Variants in MYNN observed in about 807,000 individuals in gnomAD.
The protein encoded by MYNN is myoneurin.
MYNN carries 22 observed loss-of-function variants against 57.2 expected under a neutral mutation model. That is an observed-to-expected ratio of 0.38 (90% CI 0.27 to 0.55). MYNN has a LOEUF of 0.55. MYNN is among the 20% of genes least tolerant of loss of function. The probability of loss-of-function intolerance (pLI) is 0.71; values close to 1 mark genes in which losing one functional copy is unlikely to be tolerated. For synonymous variants in MYNN, 241 were observed against 257.1 expected (o/e 0.94, Z 0.60); for missense variants, 566 against 723.1 (o/e 0.78, Z 2.49).
In MYNN at chr3:169,783,567, G is replaced by A. The variant is rs1302493708; in HGVS notation, c.1483+7G>A. Reference sequence around the variant, plus strand: ...CACTTTCGGTCCCATACAGGTCTGTGTTTAGGGAGAACGTATTATTTTTTG... The same window carrying A: ...CACTTTCGGTCCCATACAGGTCTGTATTTAGGGAGAACGTATTATTTTTTG... On this transcript the variant is annotated splice_region_variant and intron_variant, in intron 6 of 7. Coordinates refer to ENST00000349841, the MANE Select transcript of MYNN (RefSeq NM_018657.5). 2 of 1,583,880 alleles carry A rather than the reference G, an allele frequency of 1.3e-6. No individual in the cohort carries two copies. The highest frequency in any genetic ancestry group is 4.5e-5 in the East Asian group (2 of 44,586).
intron 5 of MYNN, 56 bp from the exon 6 acceptor site, chr3:169,783,421 G>A: frequency 3.2e-6 from 3 of 949,076 alleles, no homozygotes; most frequent in East Asian, 2.4e-5. Context: ...ATTTGTAATT[G>A]ATAAATATTA....
intron 2 of MYNN, 84 bp downstream of exon 2, chr3:169,774,645 T>C (rs1454693941): frequency 2.4e-6 from 3 of 1,273,512 alleles, no homozygotes; most frequent in Non-Finnish European, 3.3e-6. Context: ...TTCCATTCAT[T>C]CTCTGAACTC....
intron 2 of MYNN, among the ~76,000 whole-genome samples, chr3:169,774,928 T>G (rs368939302): frequency 5.3e-5 from 8 of 152,206 alleles, no homozygotes; most frequent in Middle Eastern, 3.4e-3. Context: ...AACCTCTGCC[T>G]CCCGGGTTCA....
chr3:169,786,635 G>T lies in MYNN; in HGVS notation c.1790G>T (p.Gly597Val). 1 of 1,613,172 alleles carries T rather than the reference G, an allele frequency of 6.2e-7. No individual in the cohort carries two copies. The highest frequency in any genetic ancestry group is 8.5e-7 in the Non-Finnish European group (1 of 1,179,436). ...ACATTGTTGAGGTCAACTGTGAATGGGTATTCAGAACCACAGTTGATTTTT... is the reference window on the plus strand; with the variant it reads ...ACATTGTTGAGGTCAACTGTGAATGTGTATTCAGAACCACAGTTGATTTTT... ...SDTLLRSTVN[G>V]YSEPQLIFLQ... is the part of the protein sequence containing the mutation. Residue 597 changes from glycine to valine, a missense_variant, in exon 8 of 8, where the codon GGG (glycine) becomes GTG (valine). Gly to Val is a moderately radical substitution (Grantham distance 109). Around this residue, in one of 4 missense-constraint regions of MYNN, gnomAD observed 156 missense variants for 163.9 expected, o/e 0.95. Coordinates refer to ENST00000349841, the MANE Select transcript of MYNN (RefSeq NM_018657.5).
rs1388738731 is a variant in MYNN, at chr3:169,780,750, G to A, written c.1220+1G>A. 2 of 1,592,666 alleles carry A rather than the reference G, an allele frequency of 1.3e-6. No individual in the cohort carries two copies. Among genetic ancestry groups the A allele is most frequent in the Non-Finnish European group, 1.7e-6 (2 of 1,173,086 alleles). The stretch of plus-strand genomic sequence containing the variant: ...CTAGCAATCTCAAGATTCATGCAAG[G>A]TAAAAAACCAAATGAGTTGTTTGAT... On this transcript the variant is annotated splice_donor_variant, in intron 4 of 7. Transcript: ENST00000349841. LOFTEE classifies it high-confidence loss of function.
At chr3:169,781,012 C>T (rs924037956) in intron 4 of MYNN, among the ~76,000 whole-genome samples, 1 of 152,076 alleles carries the variant, frequency 6.6e-6, no homozygotes, top group Non-Finnish European at 1.5e-5. Context: ...ATCATTCTGA[C>T]TGGTATAGGA....
In MYNN at chr3:169,780,612, A is replaced by G. The variant is rs759319161; in HGVS notation, c.1083A>G (p.Glu361=). 1 of 1,606,334 alleles carries G rather than the reference A, an allele frequency of 6.2e-7. No individual in the cohort carries two copies. The highest frequency in any genetic ancestry group is 1.3e-5 in the African/African-American group (1 of 74,464). ...THTGEKPYKC[E]LCDKGFAQKC... ...TAGGTGAGAAGCCATACAAATGTGA[A>G]TTGTGTGATAAAGGATTTGCTCAGA... is the stretch of plus-strand genomic sequence containing the variant. Residue 361 remains glutamate (E), a synonymous_variant, in exon 4 of 8, where the codon GAA becomes GAG. Coordinates refer to ENST00000349841, the MANE Select transcript of MYNN (RefSeq NM_018657.5).
At chr3:169,784,487 G>T in intron 6 of MYNN, 135 bp from the exon 7 acceptor site, 1 of 594,678 alleles carries the variant, frequency 1.7e-6, no homozygotes. Flanking sequence ...TTATAACCAG[G>T]TGATTAAAGT....
rs554675705 is a variant in MYNN, at chr3:169,776,021, TGA to T, written c.266+1462_266+1463del. 1.6e-3 allele frequency among the ~76,000 whole-genome samples: 249 copies of T among 152,348 alleles called. 1 individual carries two copies. Among genetic ancestry groups the T allele is most frequent in the African/African-American group, 5.7e-3 (235 of 41,582 alleles). ...ATTTTGGTATAATGAAATCTTCAAG[TGA>T]GTTCTTTATAAGTTGATTAAAGGAA... On this transcript the variant is annotated intron_variant, in intron 2 of 7. Transcript: ENST00000349841.
At chr3:169,783,652 T>C (rs1240382521) in intron 6 of MYNN, 92 bp downstream of exon 6, 5 of 829,436 alleles carry the variant, frequency 6.0e-6, no homozygotes, top group Admixed American at 1.8e-5. Context: ...GACTATATGG[T>C]ATTTAGTCAT....
chr3:169,777,211 TAGA>T (rs1425974229), intron 2 of MYNN: 1 of 152,200 alleles, frequency 6.6e-6, no homozygotes, highest in Non-Finnish European at 1.5e-5. Flanking sequence ...CAAGTTTAAT[TAGA>T]AGATGATGAG....
Position 169,783,551 on chromosome 3 carries a change from T to A in MYNN, c.1474T>A (p.Ser492Thr). ...AGGAGAGCTCAACAAACACTTTCGG[T>A]CCCATACAGGTCTGTGTTTAGGGAG... ...SSGELNKHFRSHTGERPFICE... is the reference protein window; with the variant it reads ...SSGELNKHFRTHTGERPFICE... The change falls in exon 6 of 8, where the codon TCC becomes ACC. Residue 492 changes from serine to threonine, a missense_variant. Physicochemically the swap from Ser to Thr is moderately conservative, Grantham distance 58. Around this residue, in one of 4 missense-constraint regions of MYNN, gnomAD observed 156 missense variants for 163.9 expected, o/e 0.95. Transcript: ENST00000349841. The A allele has an allele frequency of 6.2e-7, 1 of 1,607,904 alleles. No homozygotes were observed. The highest frequency in any genetic ancestry group is 8.5e-7 in the Non-Finnish European group (1 of 1,174,936).
intron 7 of MYNN, among the ~76,000 whole-genome samples, chr3:169,785,475 TAAAC>T (rs993188878): frequency 1.3e-4 from 19 of 151,982 alleles, no homozygotes; most frequent in South Asian, 8.3e-4. Flanking sequence ...AATAATTAAA[TAAAC>T]TAAATAAATA....
intron 1 of MYNN, among the ~76,000 whole-genome samples, chr3:169,773,709 C>T (rs1346501176): frequency 6.6e-6 from 1 of 152,124 alleles, no homozygotes; most frequent in East Asian, 1.9e-4. Context: ...GATGCCGCCT[C>T]GCGTAGAGAG....
chr3:169,780,764 G>C lies in MYNN; in HGVS notation c.1220+15G>C. ...ATTCATGCAAGGTAAAAAACCAAAT[G>C]AGTTGTTTGATCTTTTAGTCTTTTA... On this transcript the variant is annotated intron_variant, in intron 4 of 7. Transcript: ENST00000349841. 6.3e-7 allele frequency: 1 copy of C among 1,583,402 alleles called. No individual in the cohort carries two copies. Among genetic ancestry groups the C allele is most frequent in the Non-Finnish European group, 8.6e-7 (1 of 1,168,266 alleles).
At position 169,788,642 on chromosome 3, in the gene MYNN, T is replaced by C. The variant is rs560676896; in HGVS notation, c.*1964T>C. 1 of 152,342 alleles carries C rather than the reference T, an allele frequency of 6.6e-6. No individual in the cohort carries two copies. Among genetic ancestry groups the C allele is most frequent in the Non-Finnish European group, 1.5e-5 (1 of 67,994 alleles). 9.4% of individuals were successfully genotyped at this position (152,342 alleles called of 1,614,324 possible). A position where few individuals can be genotyped will look rare whatever the true frequency, so the allele number is the denominator to read the frequency against. On this transcript the variant is annotated 3_prime_UTR_variant, in exon 8 of 8. Transcript: ENST00000349841. ...GTATTATTAGCATTCTGCCTTTGCATAGATTAGCCTTCAAATTTATTATTT... is the reference window on the plus strand; with the variant it reads ...GTATTATTAGCATTCTGCCTTTGCACAGATTAGCCTTCAAATTTATTATTT...
intron 2 of MYNN, among the ~76,000 whole-genome samples, chr3:169,775,292 A>G (rs192906908): frequency 5.9e-4 from 90 of 152,336 alleles, no homozygotes; most frequent in Non-Finnish European, 1.0e-3. Flanking sequence ...TCTCCCCTGT[A>G]TAACGAACCA....
rs567788036 is a variant in MYNN, at chr3:169,787,163, G to A, written c.*485G>A. The A allele has an allele frequency of 5.2e-5, 8 of 152,682 alleles. No individual in the cohort carries two copies. Among genetic ancestry groups the A allele is most frequent in the East Asian group, 1.9e-4 (1 of 5,198 alleles). The allele number at this position is 152,682 out of a possible 1,614,324, so 9.5% of individuals were successfully genotyped here. A position where few individuals can be genotyped will look rare whatever the true frequency, so the allele number is the denominator to read the frequency against. On this transcript the variant is annotated 3_prime_UTR_variant, in exon 8 of 8. Transcript: ENST00000349841. ...AAAATAAAATTTCATATTTTCGCTCGTAAAAATTTAGGCGCTGAATAAGAA... is the reference window on the plus strand; with the variant it reads ...AAAATAAAATTTCATATTTTCGCTCATAAAAATTTAGGCGCTGAATAAGAA...
chr3:169,781,273 G>A (rs1348704844), intron 4 of MYNN, among the ~76,000 whole-genome samples: 17 of 152,182 alleles, frequency 1.1e-4, no homozygotes, highest in Non-Finnish European at 1.3e-4. Flanking sequence ...GATAGAGAAG[G>A]TTTGTGGGTA....
Sources: allele counts gnomAD v4.1 joint callset (sites outside exome capture counted in the v4.1 genomes callset), GRCh38; gene constraint gnomAD v4.1.1; regional missense constraint gnomAD v4.1.1; transcripts MANE v1.5; gene names NCBI Gene and HGNC (gene_info 2026-07-23, HGNC 2026-07-21).